The following ST3GAL3 variants were observed in gnomAD, a reference collection of about 807,000 sequenced individuals.
ST3GAL3 encodes CMP-N-acetylneuraminate-beta-1,4-galactoside alpha-2,3-sialyltransferase.
ST3GAL3 carries 21 observed loss-of-function variants against 50.1 expected under a neutral mutation model. The observed-to-expected ratio is 0.42, with a 90% confidence interval of 0.30 to 0.60. The LOEUF (loss-of-function observed/expected upper bound fraction) is 0.60. Among genes scored for constraint, ST3GAL3 ranks in the 20% least tolerant of loss-of-function variants. ST3GAL3 has a pLI of 0.19. For synonymous variants in ST3GAL3, 183 were observed against 190.0 expected (o/e 0.96, Z 0.30); for missense variants, 353 against 489.4 (o/e 0.72, Z 2.63).
intron 3 of ST3GAL3, among the ~76,000 whole-genome samples, chr1:43,807,588 A>T (rs536184441): frequency 6.5e-4 from 99 of 152,324 alleles, no homozygotes; most frequent in Non-Finnish European, 9.0e-4. Flanking sequence ...TTACAGAAAG[A>T]TAGCTCTGAT....
intron 1 of ST3GAL3, chr1:43,718,888 A>G (rs1668886839): frequency 1.3e-5 from 2 of 152,002 alleles, no homozygotes; most frequent in Non-Finnish European, 2.9e-5. Context: ...AGGTTTCACC[A>G]TGTTGGCCAG....
chr1:43,774,405 A>C (rs1696419952), intron 2 of ST3GAL3, among the ~76,000 whole-genome samples: 1 of 152,178 alleles, frequency 6.6e-6, no homozygotes, highest in Non-Finnish European at 1.5e-5. Context: ...GAAGGCTGCC[A>C]CCTTGCTGCC....
chr1:43,878,412 G>A (rs1273689897), intron 5 of ST3GAL3, among the ~76,000 whole-genome samples: 2 of 152,228 alleles, frequency 1.3e-5, no homozygotes, highest in African/African-American at 4.8e-5. Flanking sequence ...ATATGGCAAG[G>A]TGACAGGAGC....
At chr1:43,804,490 C>T (rs1188228323) in intron 3 of ST3GAL3, among the ~76,000 whole-genome samples, 1 of 152,044 alleles carries the variant, frequency 6.6e-6, no homozygotes, top group African/African-American at 2.4e-5. Context: ...AGGTAAAGAC[C>T]TTGGTTGAGA....
chr1:43,837,300 C>A (rs1361346574), intron 4 of ST3GAL3, among the ~76,000 whole-genome samples: 1 of 151,956 alleles, frequency 6.6e-6, no homozygotes, highest in Non-Finnish European at 1.5e-5. Flanking sequence ...CATGAAGGAC[C>A]AATAGTTGTT....
intron 6 of ST3GAL3, 119 bp from the exon 7 acceptor site, chr1:43,898,116 C>T: frequency 9.3e-7 from 1 of 1,077,080 alleles, no homozygotes; most frequent in Non-Finnish European, 1.4e-6. Context: ...CCAGAGCTCT[C>T]TCCACTTCCA....
intron 5 of ST3GAL3, among the ~76,000 whole-genome samples, chr1:43,890,881 A>G (rs2076595911): frequency 6.6e-6 from 1 of 152,198 alleles, no homozygotes; most frequent in Non-Finnish European, 1.5e-5. Context: ...TATACGGGAC[A>G]GATGAACATG....
intron 2 of ST3GAL3, among the ~76,000 whole-genome samples, chr1:43,769,023 A>AATT (rs1219723844): frequency 6.6e-6 from 1 of 152,248 alleles, no homozygotes; most frequent in Non-Finnish European, 1.5e-5. Context: ...CAAATTCCAC[A>AATT]ATATATAAAA....
At chr1:43,851,146 G>A (rs2067218907) in intron 5 of ST3GAL3, 1 of 1,281,632 alleles carries the variant, frequency 7.8e-7, no homozygotes, top group African/African-American at 1.5e-5. Flanking sequence ...TTCCTGCACT[G>A]ATCAGCTTCG....
intron 5 of ST3GAL3, among the ~76,000 whole-genome samples, chr1:43,871,732 T>G (rs1173839616): frequency 2.8e-5 from 1 of 36,008 alleles, no homozygotes. Context: ...AGAGGAGGGA[T>G]GTGGGAAAGG....
At chr1:43,720,220 C>G (rs1200972790) in intron 1 of ST3GAL3, among the ~76,000 whole-genome samples, 1 of 152,050 alleles carries the variant, frequency 6.6e-6, no homozygotes, top group African/African-American at 2.4e-5. Flanking sequence ...CAGAGTGATA[C>G]CCTGTCTCTT....
intron 5 of ST3GAL3, among the ~76,000 whole-genome samples, chr1:43,857,334 G>A (rs2068593380): frequency 1.3e-5 from 2 of 152,068 alleles, no homozygotes; most frequent in Non-Finnish European, 2.9e-5. Context: ...GTAAGTTTAT[G>A]TTGCTGAATC....
At chr1:43,716,947 C>T (rs1024380226) in intron 1 of ST3GAL3, among the ~76,000 whole-genome samples, 2 of 152,156 alleles carry the variant, frequency 1.3e-5, no homozygotes, top group Admixed American at 1.3e-4. Flanking sequence ...AGTCAGTTCT[C>T]CATATTGCTA....
At chr1:43,808,971 G>A (rs145452710) in intron 3 of ST3GAL3, among the ~76,000 whole-genome samples, 173 of 152,310 alleles carry the variant, frequency 1.1e-3, no homozygotes, top group African/African-American at 4.0e-3. Flanking sequence ...ATTAGCCTTA[G>A]ACTAGCCTTT....
intron 2 of ST3GAL3, among the ~76,000 whole-genome samples, chr1:43,787,851 G>T (rs926301327): frequency 1.3e-5 from 2 of 152,220 alleles, no homozygotes; most frequent in Admixed American, 6.5e-5. Context: ...AAAGAAGGGC[G>T]AGGAAAGCCC....
chr1:43,780,004 T>C (rs1449968014), intron 2 of ST3GAL3, among the ~76,000 whole-genome samples: 1 of 152,216 alleles, frequency 6.6e-6, no homozygotes, highest in Non-Finnish European at 1.5e-5. Context: ...TGCACATCTG[T>C]GGTCTTGAAG....
chr1:43,833,008 G>T (rs1200807606), intron 4 of ST3GAL3, among the ~76,000 whole-genome samples: 1 of 152,172 alleles, frequency 6.6e-6, no homozygotes, highest in Non-Finnish European at 1.5e-5. Context: ...TGCCTACATG[G>T]TCTTCTTTTC....
chr1:43,866,353 G>A (rs933977583), intron 5 of ST3GAL3, among the ~76,000 whole-genome samples: 4 of 152,124 alleles, frequency 2.6e-5, no homozygotes, highest in African/African-American at 4.8e-5. Context: ...GAGGCAGGCC[G>A]ATCACTTGAG....
intron 2 of ST3GAL3, among the ~76,000 whole-genome samples, chr1:43,774,315 T>C (rs776551718): frequency 2.4e-4 from 36 of 152,226 alleles, no homozygotes; most frequent in Non-Finnish European, 5.0e-4. Flanking sequence ...CATGGAACTA[T>C]ATATCTTATA....
Sources: allele counts gnomAD v4.1 joint callset (sites outside exome capture counted in the v4.1 genomes callset), GRCh38; gene constraint gnomAD v4.1.1; transcripts MANE v1.5; gene names NCBI Gene and HGNC (gene_info 2026-07-23, HGNC 2026-07-21).